TNFRSF19: variants seen among roughly 807,000 people sequenced by gnomAD.
The protein encoded by TNFRSF19 is TNF receptor superfamily member 19, also known as tumor necrosis factor receptor superfamily member 19.
TNFRSF19 carries 27 observed loss-of-function variants against 46.4 expected under a neutral mutation model. The observed-to-expected ratio is 0.58, with a 90% CI of 0.43 to 0.80. TNFRSF19 has a LOEUF of 0.80. Ranked by LOEUF, TNFRSF19 falls within the 30% of genes least tolerant of loss-of-function variation. TNFRSF19 has a pLI of 0.00. For missense variants in TNFRSF19, 511 were observed against 530.8 expected (o/e 0.96, Z 0.37); for synonymous variants, 204 against 205.0 (o/e 1.00, Z 0.04).
chr13:23,620,278 A>G (rs12868610), intron 4 of TNFRSF19, among the ~76,000 whole-genome samples: 82,599 of 152,050 alleles, frequency 0.54, 23,336 homozygotes, highest in Middle Eastern at 0.63. Context: ...CCCAAAAAGC[A>G]ATGCAGAAGT....
chr13:23,589,785 A>G (rs1024224275), intron 1 of TNFRSF19, among the ~76,000 whole-genome samples: 4 of 152,232 alleles, frequency 2.6e-5, no homozygotes, highest in African/African-American at 7.2e-5. Flanking sequence ...CATTGTCCAA[A>G]CCCAGATAAA....
chr13:23,626,315 A>G (rs1335993511), intron 4 of TNFRSF19, among the ~76,000 whole-genome samples: 2 of 151,462 alleles, frequency 1.3e-5, no homozygotes, highest in Admixed American at 6.6e-5. Context: ...ATTTCCCTAC[A>G]TTTTTCCGTT....
chr13:23,586,373 A>G (rs904649863), intron 1 of TNFRSF19, among the ~76,000 whole-genome samples: 2 of 152,202 alleles, frequency 1.3e-5, no homozygotes, highest in African/African-American at 4.8e-5. Flanking sequence ...GTGCTGTGGA[A>G]GCAGAAAGAA....
Position 23,659,827 on chromosome 13 carries a change from T to C in TNFRSF19, c.611-538T>C, listed in dbSNP as rs546147713. 3.3e-5 allele frequency among the ~76,000 whole-genome samples: 5 copies of C among 152,286 alleles called. No homozygotes were observed. The highest frequency in any genetic ancestry group is 3.4e-3 in the Middle Eastern group (1 of 294). ...CCTATTATATGTATTATGCCCTGTA[T>C]TCTTACATTAAAGTAAGCTAGAGAA... On this transcript the variant is annotated intron_variant, in intron 6 of 9. Transcript: ENST00000248484. The surrounding 1 kb of genome is among the most constrained non-coding windows in gnomAD (Gnocchi z 4.9).
Position 23,668,839 on chromosome 13 carries a change from C to T in TNFRSF19, c.987C>T (p.Leu329=). ...NISFCDSYPE[L]TGEDIHSLNP... is the part of the protein sequence containing the mutation. ...CTTTTTGTGACTCTTATCCTGAACT[C>T]ACTGGAGAAGACATTCATTCTCTCA... is the stretch of plus-strand genomic sequence containing the variant. Residue 329 remains leucine (L), a synonymous_variant, in exon 9 of 10, where the codon CTC becomes CTT. Transcript: ENST00000248484. 6.2e-7 allele frequency: 1 copy of T among 1,614,258 alleles called. No individual in the cohort carries two copies. The highest frequency in any genetic ancestry group is 8.5e-7 in the Non-Finnish European group (1 of 1,180,048).
intron 3 of TNFRSF19, among the ~76,000 whole-genome samples, chr13:23,593,773 C>T (rs1928119): frequency 0.26 from 39,298 of 152,112 alleles, 5,612 homozygotes; most frequent in African/African-American, 0.38. Flanking sequence ...TGAAATTCCA[C>T]TGAAGATTTA....
intron 5 of TNFRSF19, among the ~76,000 whole-genome samples, chr13:23,650,287 G>A (rs1883557524): frequency 6.6e-6 from 1 of 152,170 alleles, no homozygotes; most frequent in Non-Finnish European, 1.5e-5. Context: ...GAATAATCTT[G>A]TACATGAGTG....
intron 4 of TNFRSF19, among the ~76,000 whole-genome samples, chr13:23,622,764 T>TA (rs938511547): frequency 6.6e-6 from 1 of 152,342 alleles, no homozygotes; most frequent in East Asian, 1.9e-4. Flanking sequence ...AGTGAGTTTT[T>TA]ATGTATAAAA....
intron 5 of TNFRSF19, among the ~76,000 whole-genome samples, chr13:23,635,124 G>T (rs1882598473): frequency 6.6e-6 from 1 of 152,048 alleles, no homozygotes; most frequent in Non-Finnish European, 1.5e-5. Flanking sequence ...CTTCCTGGCA[G>T]CACAGACAGG....
chr13:23,627,406 A>G (rs1028805347), intron 5 of TNFRSF19, among the ~76,000 whole-genome samples: 1 of 152,156 alleles, frequency 6.6e-6, no homozygotes, highest in African/African-American at 2.4e-5. Flanking sequence ...CCTTTTGACT[A>G]TGTATTTTGT....
At chr13:23,652,285 A>G (rs1285495683) in intron 5 of TNFRSF19, among the ~76,000 whole-genome samples, 1 of 152,232 alleles carries the variant, frequency 6.6e-6, no homozygotes, top group Non-Finnish European at 1.5e-5. Flanking sequence ...GTGAATGCTT[A>G]ACTGTCCCCA....
chr13:23,588,785 A>G (rs1048551497), intron 1 of TNFRSF19, among the ~76,000 whole-genome samples: 2 of 152,220 alleles, frequency 1.3e-5, no homozygotes, highest in African/African-American at 4.8e-5. Flanking sequence ...ATTTTGAGAT[A>G]TGCCAGCAGG....
chr13:23,621,838 TA>T (rs573781808), intron 4 of TNFRSF19, among the ~76,000 whole-genome samples: 36 of 151,096 alleles, frequency 2.4e-4, no homozygotes, highest in Admixed American at 3.9e-4. Flanking sequence ...TAGTCCCAGC[TA>T]CTTGGGAGGC....
intron 3 of TNFRSF19, among the ~76,000 whole-genome samples, chr13:23,614,473 G>C (rs1450987238): frequency 1.3e-5 from 2 of 151,988 alleles, no homozygotes; most frequent in Non-Finnish European, 2.9e-5. Flanking sequence ...CAGAAAAAAT[G>C]GGAATGTTGA....
Position 23,660,362 on chromosome 13 carries a change from T to C in TNFRSF19, c.611-3T>C. 4 of 1,613,282 alleles carry C rather than the reference T, an allele frequency of 2.5e-6. No homozygotes were observed. Among genetic ancestry groups the C allele is most frequent in the Non-Finnish European group, 3.4e-6 (4 of 1,179,582 alleles). On this transcript the variant is annotated splice_region_variant and splice_polypyrimidine_tract_variant and intron_variant, in intron 6 of 9. Transcript: ENST00000248484. ...CCTGACAGAGTTCTCACCCCTCATTTAGGGTCTCTGCGGTCACAGGACATT... is the reference window on the plus strand; with the variant it reads ...CCTGACAGAGTTCTCACCCCTCATTCAGGGTCTCTGCGGTCACAGGACATT...
intron 3 of TNFRSF19, among the ~76,000 whole-genome samples, chr13:23,603,722 A>G (rs1218886737): frequency 6.6e-6 from 1 of 152,050 alleles, no homozygotes; most frequent in African/African-American, 2.4e-5. Flanking sequence ...AAAAAATCAC[A>G]TATAGCAGTA....
chr13:23,571,101 G>A (rs1371979276), intron 1 of TNFRSF19, among the ~76,000 whole-genome samples: 1 of 152,152 alleles, frequency 6.6e-6, no homozygotes, highest in Non-Finnish European at 1.5e-5. Flanking sequence ...GAAATGAGTT[G>A]TACAAACAGG....
intron 4 of TNFRSF19, among the ~76,000 whole-genome samples, chr13:23,620,794 G>A (rs1881598104): frequency 6.6e-6 from 1 of 152,196 alleles, no homozygotes. Context: ...TCCTGGCTCA[G>A]GGGAACTGGA....
chr13:23,639,946 A>C (rs1231561970), intron 5 of TNFRSF19, among the ~76,000 whole-genome samples: 1 of 152,250 alleles, frequency 6.6e-6, no homozygotes, highest in Non-Finnish European at 1.5e-5. Flanking sequence ...TGGCTTAGGA[A>C]CAAAACAAAA....
Sources: gnomAD v4.1 joint callset for allele counts (sites outside exome capture counted in the v4.1 genomes callset) on GRCh38, gnomAD v4.1.1 for gene constraint, Gnocchi (gnomAD v3.1) non-coding constraint, MANE v1.5 for transcripts, NCBI Gene and HGNC (gene_info 2026-07-23, HGNC 2026-07-21) for gene names.